NCAPH2: variants seen among roughly 807,000 people sequenced by gnomAD.
NCAPH2 encodes the protein non-SMC condensin II complex subunit H2, also known as condensin-2 complex subunit H2.
NCAPH2 carries 56 observed loss-of-function variants against 88.6 expected under a neutral mutation model. The ratio of observed to expected loss-of-function variants is 0.63; its 90% CI spans 0.51 to 0.79. The LOEUF is 0.79. NCAPH2 is among the 30% of genes least tolerant of loss of function. The probability of loss-of-function intolerance (pLI) is 0.00; values close to 1 mark genes in which losing one functional copy is unlikely to be tolerated. For missense variants in NCAPH2, 794 were observed against 792.0 expected (o/e 1.00, Z -0.03); for synonymous variants, 378 against 313.6 (o/e 1.21, Z -2.17).
In NCAPH2 at chr22:50,517,826, C is replaced by T; in HGVS notation, c.420+17C>T. On this transcript the variant is annotated intron_variant, in intron 5 of 19. Coordinates refer to ENST00000420993, the MANE Select transcript of NCAPH2 (RefSeq NM_152299.4). The stretch of plus-strand genomic sequence containing the variant: ...ACGCCCAGTGTGAGTCCTGGCCTGG[C>T]CCCTCTTAGGCTGGGGTGAGGTCAG... 4 of 1,613,240 alleles carry T rather than the reference C, an allele frequency of 2.5e-6. No individual in the cohort carries two copies. Among genetic ancestry groups the T allele is most frequent in the Non-Finnish European group, 2.5e-6 (3 of 1,179,690 alleles).
chr22:50,510,933 G>C (rs1321003939), intron 1 of NCAPH2, among the ~76,000 whole-genome samples: 1 of 145,724 alleles, frequency 6.9e-6, no homozygotes, highest in East Asian at 2.1e-4. Flanking sequence ...TGCAAGCTCT[G>C]CCTTCTGGGT....
Position 50,508,509 on chromosome 22 carries a change from G to A in NCAPH2, c.108+64G>A, listed in dbSNP as rs917116836. ...GGTGGGGCTGCGGGGCGGGGGCTCC[G>A]GGCCCGGGGCTGTGGGCGCCCCACC... On this transcript the variant is annotated intron_variant, in intron 1 of 19. Transcript: ENST00000420993. 8.4e-6 allele frequency: 8 copies of A among 948,558 alleles called. 1 individual carries two copies. The African/African-American group carries it at 1.2e-4, about 15-fold the overall frequency. The allele number at this position is 948,558 out of a possible 1,614,324, so 58.8% of individuals were successfully genotyped here. A position where few individuals can be genotyped will look rare whatever the true frequency, so the allele number is the denominator to read the frequency against.
Position 50,517,975 on chromosome 22 carries a change from G to A in NCAPH2, c.423G>A (p.Glu141=). Residue 141 remains glutamate (E), a splice_region_variant and synonymous_variant, in exon 6 of 20, where the codon GAG becomes GAA. Transcript: ENST00000420993. ...ACCCACCCTTGGCCTCCATGCAGGA[G>A]GTCCTCATCATCCCCCTCCTGCCCA... is the stretch of plus-strand genomic sequence containing the variant. ...VDLKNDQTPS[E]VLIIPLLPMA... is the part of the protein sequence containing the mutation. 1 of 1,613,336 alleles carries A rather than the reference G, an allele frequency of 6.2e-7. No individual in the cohort carries two copies. The highest frequency in any genetic ancestry group is 8.5e-7 in the Non-Finnish European group (1 of 1,179,594).
chr22:50,523,272 G>A lies in NCAPH2; in HGVS notation c.1715G>A (p.Gly572Glu). 1.2e-6 allele frequency: 2 copies of A among 1,609,904 alleles called. No individual in the cohort carries two copies. The highest frequency in any genetic ancestry group is 1.7e-6 in the Non-Finnish European group (2 of 1,178,226). Reference protein sequence around the residue: ...DYTVEITQQPGLEMAVDTMSL... With the variant: ...DYTVEITQQPELEMAVDTMSL... ...ACAGTGGAGATAACCCAGCAGCCCG[G>A]GCTGGAGATGGCCGTGGACACCATG... Residue 572 changes from glycine to glutamate, a missense_variant, in exon 20 of 20, where the codon GGG (glycine) becomes GAG (glutamate). Gly to Glu is a moderately conservative substitution (Grantham distance 98). Transcript: ENST00000420993.
At position 50,523,021 on chromosome 22, in the gene NCAPH2, A is replaced by G; in HGVS notation, c.1532A>G (p.Gln511Arg). The stretch of plus-strand genomic sequence containing the variant: ...ACATGCCCCTCCCCTGTGCAGGAGC[A>G]GCATGTGCCCTTTGACATCCACACC... ...TVQPLLQEQE[Q>R]HVPFDIHTYG... Residue 511 changes from glutamine (Q) to arginine (R), a missense_variant, in exon 19 of 20, where the codon CAG becomes CGG. Physicochemically the swap from Gln to Arg is conservative, Grantham distance 43 (BLOSUM62 1). Transcript: ENST00000420993. 2.5e-6 allele frequency: 4 copies of G among 1,601,908 alleles called. No homozygotes were observed. Among genetic ancestry groups the G allele is most frequent in the Non-Finnish European group, 3.4e-6 (4 of 1,172,154 alleles).
rs1386420516 is a variant in NCAPH2 at position 50,519,256 on chromosome 22, A to G, written c.797A>G (p.Glu266Gly). 1 of 1,609,014 alleles carries G rather than the reference A, an allele frequency of 6.2e-7. No homozygotes were observed. The highest frequency in any genetic ancestry group is 8.5e-7 in the Non-Finnish European group (1 of 1,178,360). The change falls in exon 9 of 20, where the codon GAG becomes GGG. Residue 266 changes from glutamate (E) to glycine (G), a missense_variant. Transcript: ENST00000420993. ...GACGAGGATGCAGAGGAGGCAGTAG[A>G]GCTTCCTGAGGCCTCGGCCCCCAAG... is the stretch of plus-strand genomic sequence containing the variant. The part of the protein sequence containing the change: ...GEDEDAEEAV[E>G]LPEASAPKAA...
At chr22:50,516,312 T>C (rs1468924622) in intron 1 of NCAPH2, 135 bp from the exon 2 acceptor site, 5 of 700,500 alleles carry the variant, frequency 7.1e-6, no homozygotes, top group Admixed American at 2.5e-5. Flanking sequence ...GGACAACCGG[T>C]GAGCCCACAG....
At chr22:50,515,431 C>T (rs548773760) in intron 1 of NCAPH2, among the ~76,000 whole-genome samples, 2 of 152,316 alleles carry the variant, frequency 1.3e-5, no homozygotes, top group African/African-American at 4.8e-5. Context: ...GAGTCTCGCT[C>T]TGTCGCCCAG....
rs373374441 is a variant in NCAPH2 at position 50,522,013 on chromosome 22, T to A, written c.1136T>A (p.Leu379His). The A allele has an allele frequency of 1.2e-5, 19 of 1,613,918 alleles. No homozygotes were observed. Among genetic ancestry groups the A allele is most frequent in the Non-Finnish European group, 1.4e-5 (17 of 1,179,986 alleles). ...AYADHADSRR[L>H]RRKGPSFADM... is the part of the protein sequence containing the mutation. ...GCAGACCATGCCGACAGCAGGCGGC[T>A]TCGGCGAAAGGGTCCGTCCTTTGCA... is the stretch of plus-strand genomic sequence containing the variant. The change falls in exon 13 of 20, where the codon CTT becomes CAT. Residue 379 changes from leucine to histidine, a missense_variant. Transcript: ENST00000420993.
chr22:50,522,517 T>A lies in NCAPH2; in HGVS notation c.1323T>A (p.Pro441=). The A allele has an allele frequency of 6.2e-7, 1 of 1,613,498 alleles. No individual in the cohort carries two copies. The highest frequency in any genetic ancestry group is 8.5e-7 in the Non-Finnish European group (1 of 1,179,894). ...TCCCAGCAGATGACTTTCTAGAGCC[T>A]GAGGAGTACATGGAGCCCGAGGGAG... The part of the protein sequence containing the change: ...DLGAADDFLE[P]EEYMEPEGAD... Residue 441 remains proline (P), a synonymous_variant, in exon 16 of 20, where the codon CCT becomes CCA. Transcript: ENST00000420993.
At chr22:50,515,649 G>A (rs2068897191) in intron 1 of NCAPH2, 4 of 1,163,612 alleles carry the variant, frequency 3.4e-6, no homozygotes, top group Non-Finnish European at 4.5e-6. Flanking sequence ...GCCCGCCTCG[G>A]CCTCCCAAAG....
At chr22:50,522,152 G>T in intron 13 of NCAPH2, 29 bp from the exon 14 acceptor site, 1 of 1,611,836 alleles carries the variant, frequency 6.2e-7, no homozygotes. Flanking sequence ...GGAAGGACGA[G>T]GGAGCCCTCA....
chr22:50,522,120 G>C, intron 13 of NCAPH2, 61 bp from the exon 14 acceptor site: 3 of 1,612,152 alleles, frequency 1.9e-6, no homozygotes, highest in Admixed American at 1.7e-5. Context: ...CCAAAGCCTT[G>C]GGTGGACTGG....
Position 50,508,388 on chromosome 22 carries a change from C to T in NCAPH2, c.51C>T (p.Asp17=). ...RFAHLLQPIR[D]LTKNWEVDVA... ...CCCACCTCTTGCAGCCCATCCGCGACCTCACCAAGAACTGGGAGGTGGACG... is the reference window on the plus strand; with the variant it reads ...CCCACCTCTTGCAGCCCATCCGCGATCTCACCAAGAACTGGGAGGTGGACG... The change falls in exon 1 of 20, where the codon GAC becomes GAT. Residue 17 remains aspartate, a synonymous_variant. Transcript: ENST00000420993. 5 of 1,488,204 alleles carry T rather than the reference C, an allele frequency of 3.4e-6. No individual in the cohort carries two copies. Among genetic ancestry groups the T allele is most frequent in the Non-Finnish European group, 4.5e-6 (5 of 1,122,780 alleles). 92.2% of individuals were successfully genotyped at this position (1,488,204 alleles called of 1,614,324 possible).
Position 50,523,364 on chromosome 22 carries a change from G to T in NCAPH2, c.1807G>T (p.Ala603Ser). ...RFQTYAAPSMAQP is the reference protein window; with the variant it reads ...RFQTYAAPSMSQP ...CCAGACCTACGCTGCCCCCTCCATG[G>T]CCCAGCCCTGAGTGGGGAGCACCGA... The change falls in exon 20 of 20, where the codon GCC (alanine) becomes TCC (serine). Residue 603 changes from alanine (A) to serine (S), a missense_variant. Ala to Ser is a moderately conservative substitution (Grantham distance 99). Transcript: ENST00000420993. 1 of 1,548,674 alleles carries T rather than the reference G, an allele frequency of 6.5e-7. No homozygotes were observed. Among genetic ancestry groups the T allele is most frequent in the South Asian group, 1.2e-5 (1 of 84,534 alleles).
intron 1 of NCAPH2, chr22:50,515,736 G>A (rs1327346030): frequency 2.6e-6 from 3 of 1,171,664 alleles, no homozygotes; most frequent in Admixed American, 2.5e-5. Flanking sequence ...TTGCTGAGAA[G>A]GAATACAGGA....
At chr22:50,518,780 G>T (rs1471541319) in intron 8 of NCAPH2, 48 bp downstream of exon 8, 1 of 1,534,260 alleles carries the variant, frequency 6.5e-7, no homozygotes, top group Non-Finnish European at 8.8e-7. Context: ...CCAAAGAGGG[G>T]ACCAGGGAGG....
chr22:50,514,573 G>A (rs1437146121), intron 1 of NCAPH2, among the ~76,000 whole-genome samples: 2 of 152,212 alleles, frequency 1.3e-5, no homozygotes, highest in African/African-American at 4.8e-5. Flanking sequence ...AAGCCCAGTA[G>A]TGTCTTGGGA....
intron 1 of NCAPH2, among the ~76,000 whole-genome samples, chr22:50,508,747 T>A (rs1450477673): frequency 4.6e-5 from 7 of 152,220 alleles, no homozygotes; most frequent in Non-Finnish European, 8.8e-5. Context: ...TAGAAAGCAT[T>A]ATTGCTTTTA....
Sources: allele counts gnomAD v4.1 joint callset (sites outside exome capture counted in the v4.1 genomes callset), GRCh38; gene constraint gnomAD v4.1.1; transcripts MANE v1.5; gene names NCBI Gene and HGNC (gene_info 2026-07-23, HGNC 2026-07-21).